Variants in LARGE1 observed in about 807,000 individuals in gnomAD.
LARGE1 encodes the protein LARGE xylosyl- and glucuronyltransferase 1, also known as xylosyl- and glucuronyltransferase LARGE1.
In LARGE1, 43 loss-of-function variants were observed where a neutral mutation model predicts 87.6. The observed-to-expected ratio is 0.49, with a 90% CI of 0.38 to 0.63. The LOEUF (loss-of-function observed/expected upper bound fraction) is 0.63, where lower values mean the gene tolerates loss of function less well. Among genes scored for constraint, LARGE1 ranks in the 30% least tolerant of loss-of-function variants. The probability of loss-of-function intolerance (pLI) is 0.00; values close to 1 mark genes in which losing one functional copy is unlikely to be tolerated. For synonymous variants in LARGE1, 434 were observed against 394.6 expected (o/e 1.10, Z -1.18); for missense variants, 802 against 1,000.2 (o/e 0.80, Z 2.67).
chr22:33,895,475 T>C (rs552386210), intron 1 of LARGE1, among the ~76,000 whole-genome samples: 21 of 152,340 alleles, frequency 1.4e-4, no homozygotes, highest in African/African-American at 4.8e-4. Context: ...GCTGTGTCTA[T>C]GGTTCATGAA....
intron 9 of LARGE1, among the ~76,000 whole-genome samples, chr22:33,350,360 A>G (rs982706752): frequency 6.6e-6 from 1 of 152,176 alleles, no homozygotes; most frequent in African/African-American, 2.4e-5. Context: ...CAGACAACCC[A>G]CACAAGACCA....
intron 6 of LARGE1, among the ~76,000 whole-genome samples, chr22:33,476,754 C>T (rs2069097931): frequency 6.6e-6 from 1 of 152,062 alleles, no homozygotes. Flanking sequence ...AGGTGCTCTC[C>T]AAAGGTATAC....
intron 2 of LARGE1, among the ~76,000 whole-genome samples, chr22:33,651,316 C>T (rs2080803923): frequency 2.3e-5 from 3 of 131,882 alleles, no homozygotes; most frequent in South Asian, 2.6e-4. Context: ...GGCAAGAACC[C>T]GGGAGGCGGA....
Position 33,409,769 on chromosome 22 carries a change from G to T in LARGE1, c.892+22392C>A, listed in dbSNP as rs561927256. ...CCAGCTACTTGGGAGGCTGAGGCAG[G>T]AGAATCACTTGAACCTGGGAGGCAG... On this transcript the variant is annotated intron_variant, in intron 7 of 14. Coordinates refer to ENST00000397394, the MANE Select transcript of LARGE1 (RefSeq NM_133642.5). 2.8e-3 allele frequency among the ~76,000 whole-genome samples: 428 copies of T among 150,694 alleles called. 3 individuals carry two copies. The highest frequency in any genetic ancestry group is 8.7e-3 in the African/African-American group (355 of 40,980).
At chr22:33,907,167 T>C (rs1298055504) in intron 1 of LARGE1, among the ~76,000 whole-genome samples, 1 of 152,120 alleles carries the variant, frequency 6.6e-6, no homozygotes, top group Admixed American at 6.5e-5. Context: ...CACACAAACC[T>C]TCTGATAAGC....
intron 11 of LARGE1, among the ~76,000 whole-genome samples, chr22:33,213,441 A>T (rs1444181520): frequency 6.6e-6 from 1 of 152,228 alleles, no homozygotes; most frequent in Admixed American, 6.5e-5. Flanking sequence ...ATAAAACGCT[A>T]TCAAACAGCA....
At chr22:33,152,491 T>G in the LARGE1 span, among the ~76,000 whole-genome samples, 1 of 152,308 alleles carries the variant, frequency 6.6e-6, no homozygotes, top group Non-Finnish European at 1.5e-5. Flanking sequence ...AGCTGAGAGG[T>G]CTTTTCAGTT....
At chr22:33,140,053 G>A in the LARGE1 span, among the ~76,000 whole-genome samples, 60 of 152,344 alleles carry the variant, frequency 3.9e-4, no homozygotes, top group African/African-American at 1.3e-3. Flanking sequence ...AGTTGGGTGG[G>A]AGAGGTTAGA....
intron 8 of LARGE1, among the ~76,000 whole-genome samples, chr22:33,383,546 C>T (rs997131802): frequency 2.0e-5 from 3 of 151,904 alleles, no homozygotes; most frequent in Non-Finnish European, 2.9e-5. Flanking sequence ...GGTGACAGAG[C>T]GAGACTCCAC....
chr22:33,306,897 C>CA (rs79134987), intron 11 of LARGE1, among the ~76,000 whole-genome samples: 3,644 of 151,284 alleles, frequency 0.024, 76 homozygotes, highest in Middle Eastern at 0.082. Context: ...AAAAAATACT[C>CA]AAGGTTCTCA....
intron 7 of LARGE1, among the ~76,000 whole-genome samples, chr22:33,398,618 T>C (rs2065831316): frequency 1.3e-5 from 2 of 152,228 alleles, no homozygotes; most frequent in Admixed American, 6.5e-5. Flanking sequence ...AATTATGTCC[T>C]TTCCAAAAGG....
chr22:33,378,220 T>G (rs1021979071), intron 9 of LARGE1, among the ~76,000 whole-genome samples: 3 of 152,200 alleles, frequency 2.0e-5, no homozygotes, highest in Non-Finnish European at 4.4e-5. Flanking sequence ...AATTTTTAAT[T>G]TTTTTTCTTT....
intron 2 of LARGE1, among the ~76,000 whole-genome samples, chr22:33,659,745 A>AAAG (rs2081067058): frequency 8.0e-5 from 1 of 12,452 alleles, no homozygotes; most frequent in Non-Finnish European, 1.5e-4. Flanking sequence ...AAGAACAGTT[A>AAAG]AAAAAAAAAA....
intron 7 of LARGE1, among the ~76,000 whole-genome samples, chr22:33,420,985 C>T (rs549790741): frequency 2.2e-4 from 34 of 152,120 alleles, no homozygotes; most frequent in African/African-American, 7.2e-4. Flanking sequence ...GTCAGGAGTT[C>T]GAGACCAGCC....
Position 33,730,076 on chromosome 22 carries a change from C to T in LARGE1, c.106+31295G>A, listed in dbSNP as rs2083410978. 6.6e-5 allele frequency among the ~76,000 whole-genome samples: 10 copies of T among 152,240 alleles called. No homozygotes were observed. The South Asian group carries it at 2.1e-3, about 32-fold the overall frequency. On this transcript the variant is annotated intron_variant, in intron 2 of 14. Transcript: ENST00000397394. ...CCTTGAACAACACGGGTTTAAAGTG[C>T]ATGAGTCCACAAATACACAGATTTT...
At chr22:33,827,994 A>G (rs947134953) in intron 1 of LARGE1, among the ~76,000 whole-genome samples, 2 of 152,216 alleles carry the variant, frequency 1.3e-5, no homozygotes, top group African/African-American at 4.8e-5. Flanking sequence ...GAAGAACTAG[A>G]ATAAAAGAGA....
At chr22:33,325,609 T>G (rs1263190545) in intron 10 of LARGE1, among the ~76,000 whole-genome samples, 1 of 152,250 alleles carries the variant, frequency 6.6e-6, no homozygotes, top group African/African-American at 2.4e-5. Context: ...TTGTGCTACC[T>G]TGACTAACAG....
chr22:33,796,788 TTC>T (rs1491318680), intron 1 of LARGE1, among the ~76,000 whole-genome samples: 12 of 148,012 alleles, frequency 8.1e-5, no homozygotes, highest in African/African-American at 2.3e-4. Flanking sequence ...TTTTTTTTTT[TTC>T]CCCTGAGATG....
intron 2 of LARGE1, among the ~76,000 whole-genome samples, chr22:33,731,041 T>C (rs888703898): frequency 6.9e-4 from 102 of 147,026 alleles, no homozygotes; most frequent in Non-Finnish European, 1.4e-3. Flanking sequence ...CTTGTTCTGT[T>C]GCCCAGGCTG....
Sources: gnomAD v4.1 joint callset for allele counts (sites outside exome capture counted in the v4.1 genomes callset) on GRCh38, gnomAD v4.1.1 for gene constraint, MANE v1.5 for transcripts, NCBI Gene and HGNC (gene_info 2026-07-23, HGNC 2026-07-21) for gene names.